PLAC1: variants seen among roughly 807,000 people sequenced by gnomAD.
PLAC1 encodes placenta associated 1, also known as placenta-specific protein 1.
For synonymous variants in PLAC1, 68 were observed against 62.1 expected (o/e 1.09, Z -0.44); for missense variants, 136 against 163.2 (o/e 0.83, Z 0.91).
intron 1 of PLAC1, among the ~76,000 whole-genome samples, chrX:134,604,800 G>A (rs1409623733): frequency 9.0e-6 from 1 of 111,260 alleles, no homozygotes; most frequent in African/African-American, 3.3e-5. Flanking sequence ...CATTATGCAG[G>A]GCTATCATTC....
intron 1 of PLAC1, among the ~76,000 whole-genome samples, chrX:134,608,354 G>A (rs1353945798): frequency 8.9e-6 from 1 of 112,379 alleles, no homozygotes; most frequent in Non-Finnish European, 1.9e-5. Flanking sequence ...GCCATAAAAA[G>A]GAATGAAGTG....
At chrX:134,586,713 C>G in intron 2 of PLAC1, among the ~76,000 whole-genome samples, 1 of 101,060 alleles carries the variant, frequency 9.9e-6, no homozygotes, top group Non-Finnish European at 2.0e-5. Context: ...CTCTGTCACC[C>G]AGGCTGGAGT....
chrX:134,583,709 AG>A (rs748930867), intron 2 of PLAC1, among the ~76,000 whole-genome samples: 2 of 111,130 alleles, frequency 1.8e-5, no homozygotes, highest in African/African-American at 6.5e-5. Context: ...GCCTGGCTGC[AG>A]GGCTCTTTCC....
intron 2 of PLAC1, among the ~76,000 whole-genome samples, chrX:134,706,442 G>A (rs1282682246): frequency 8.9e-6 from 1 of 112,310 alleles, no homozygotes; most frequent in Non-Finnish European, 1.9e-5. Flanking sequence ...CTGGAGCAGC[G>A]TCAGAGGAGG....
At chrX:134,606,282 G>T (rs1257148343) in intron 1 of PLAC1, 3 of 110,613 alleles carry the variant, frequency 2.7e-5, no homozygotes, top group African/African-American at 9.9e-5. Flanking sequence ...TTTTCTAACT[G>T]TAGTGATGTG....
chrX:134,732,435 C>T (rs1211248527), intron 2 of PLAC1, among the ~76,000 whole-genome samples: 1 of 111,744 alleles, frequency 8.9e-6, no homozygotes, highest in African/African-American at 3.3e-5. Context: ...AAGAACCATT[C>T]ATAATTAATG....
At chrX:134,667,733 C>T (rs1276317926) in intron 2 of PLAC1, among the ~76,000 whole-genome samples, 1 of 110,309 alleles carries the variant, frequency 9.1e-6, no homozygotes, top group Non-Finnish European at 1.9e-5. Flanking sequence ...TCCGCCTGGG[C>T]TATGCAGGGA....
intron 1 of PLAC1, among the ~76,000 whole-genome samples, chrX:134,639,922 G>A (rs867874495): frequency 1.3e-4 from 14 of 111,906 alleles, no homozygotes; most frequent in Middle Eastern, 4.6e-3. Flanking sequence ...TTTTATAGCC[G>A]AATAATATTC....
chrX:134,744,682 A>G (rs763899312), intron 1 of PLAC1, among the ~76,000 whole-genome samples: 12 of 112,273 alleles, frequency 1.1e-4, no homozygotes, highest in African/African-American at 3.9e-4. Context: ...CTTTGGACTC[A>G]GATCAGAGTC....
intron 2 of PLAC1, among the ~76,000 whole-genome samples, chrX:134,585,175 C>CAA (rs56343935): frequency 0.52 from 17,446 of 33,591 alleles, 4,622 homozygotes; most frequent in East Asian, 0.67. Flanking sequence ...ACTAAAAGTA[C>CAA]AAAAAAAAAA....
chrX:134,726,550 C>A lies in PLAC1; in HGVS notation n.174+6885G>T, dbSNP rs888671125. ...CAATATTAAAAACTTCCTGGCCGGG[C>A]GCTGTGGCTCACGCCTGTAATCCCA... is the stretch of plus-strand genomic sequence containing the variant. On this transcript the variant is annotated intron_variant and non_coding_transcript_variant, in intron 2 of 2. Transcript: ENST00000466797. Among the ~76,000 whole-genome samples, 6 of 111,768 alleles carry A rather than the reference C, an allele frequency of 5.4e-5. No homozygotes were observed. In the East Asian group the frequency reaches 1.7e-3, roughly 32 times the overall value.
intron 2 of PLAC1, among the ~76,000 whole-genome samples, chrX:134,730,868 G>A (rs189957706): frequency 8.9e-6 from 1 of 111,765 alleles, no homozygotes; most frequent in Non-Finnish European, 1.9e-5. Context: ...GGAAGTTGCA[G>A]CTGAAGGAAA....
intron 1 of PLAC1, among the ~76,000 whole-genome samples, chrX:134,740,574 C>A (rs988372061): frequency 4.5e-5 from 5 of 111,469 alleles, no homozygotes; most frequent in African/African-American, 1.3e-4. Context: ...TGAATGGCGG[C>A]CCCAGAAAAG....
chrX:134,626,072 C>A (rs2078235827), intron 1 of PLAC1, among the ~76,000 whole-genome samples: 1 of 110,984 alleles, frequency 9.0e-6, no homozygotes, highest in African/African-American at 3.3e-5. Flanking sequence ...GAGCCTCCTG[C>A]CTGACCAGCG....
At chrX:134,656,665 G>A (rs1041790626) in intron 1 of PLAC1, among the ~76,000 whole-genome samples, 16 of 111,366 alleles carry the variant, frequency 1.4e-4, no homozygotes, top group African/African-American at 4.9e-4. Context: ...GCTCACTGCA[G>A]CTTCGATCTC....
chrX:134,731,600 T>C (rs1166183890), intron 2 of PLAC1, among the ~76,000 whole-genome samples: 2 of 111,919 alleles, frequency 1.8e-5, no homozygotes, highest in East Asian at 2.8e-4. Context: ...AGCAATATCG[T>C]AGGCCTACTA....
chrX:134,574,090 T>TCA (rs368393395), intron 2 of PLAC1, among the ~76,000 whole-genome samples: 635 of 104,321 alleles, frequency 6.1e-3, no homozygotes, highest in African/African-American at 0.01. Flanking sequence ...TCTCTCTCTC[T>TCA]CACACACACA....
intron 1 of PLAC1, among the ~76,000 whole-genome samples, chrX:134,751,516 G>A (rs1156881152): frequency 9.0e-6 from 1 of 111,427 alleles, no homozygotes; most frequent in Non-Finnish European, 1.9e-5. Context: ...TCTGACTTCC[G>A]ACCTTCTCGA....
At chrX:134,645,663 G>A (rs2078329363) in intron 1 of PLAC1, among the ~76,000 whole-genome samples, 1 of 111,657 alleles carries the variant, frequency 9.0e-6, no homozygotes, top group Non-Finnish European at 1.9e-5. Context: ...GCAAGAGCTG[G>A]GCCCACGATG....
Sources: allele counts gnomAD v4.1 joint callset (sites outside exome capture counted in the v4.1 genomes callset), GRCh38; gene constraint gnomAD v4.1.1; transcripts MANE v1.5; gene names NCBI Gene and HGNC (gene_info 2026-07-23, HGNC 2026-07-21).